Variants in LRP5 observed in about 807,000 individuals in gnomAD.
The protein encoded by LRP5 is LDL receptor related protein 5.
A neutral mutation model predicts 154.1 loss-of-function variants in LRP5; 62 were observed. That is an observed-to-expected ratio of 0.40 (90% confidence interval 0.33 to 0.50). The LOEUF is 0.50. Ranked by LOEUF, LRP5 falls within the 20% of genes least tolerant of loss-of-function variation. LRP5 has a pLI of 0.55. For synonymous variants in LRP5, 966 were observed against 1,011.5 expected (o/e 0.96, Z 0.85); for missense variants, 1,915 against 2,336.7 (o/e 0.82, Z 3.72).
chr11:68,361,032 G>A (rs1439345175), intron 3 of LRP5, among the ~76,000 whole-genome samples: 10 of 128,336 alleles, frequency 7.8e-5, no homozygotes, highest in Non-Finnish European at 1.6e-4. Context: ...AAGGCTGGGC[G>A]CGGTGGCTCA....
chr11:68,364,297 T>A (rs1007535514), intron 4 of LRP5, among the ~76,000 whole-genome samples: 4 of 151,858 alleles, frequency 2.6e-5, no homozygotes, highest in African/African-American at 9.7e-5. Flanking sequence ...TGTATATGTA[T>A]TTATATACAC....
chr11:68,298,832 C>T, the LRP5 span, among the ~76,000 whole-genome samples: 2 of 152,162 alleles, frequency 1.3e-5, no homozygotes, highest in African/African-American at 2.4e-5. Context: ...AAAAAGCCTC[C>T]GGTCCTGGGC....
chr11:68,377,467 C>T (rs1266325669), intron 5 of LRP5, among the ~76,000 whole-genome samples: 3 of 152,230 alleles, frequency 2.0e-5, no homozygotes, highest in Non-Finnish European at 2.9e-5. Context: ...GAGCCAGCAT[C>T]GGGCCCAGCC....
chr11:68,330,754 C>T (rs897904291), intron 1 of LRP5, among the ~76,000 whole-genome samples: 8 of 152,362 alleles, frequency 5.3e-5, no homozygotes, highest in East Asian at 3.9e-4. Flanking sequence ...CGCAGGAGCG[C>T]GATTGGTGTG....
intron 7 of LRP5, among the ~76,000 whole-genome samples, chr11:68,392,892 C>A (rs1356044394): frequency 1.3e-5 from 2 of 151,978 alleles, no homozygotes; most frequent in African/African-American, 2.4e-5. Flanking sequence ...TCTGGGAGGC[C>A]AAGGCGGGAC....
At chr11:68,334,862 T>G (rs1421129896) in intron 1 of LRP5, among the ~76,000 whole-genome samples, 2 of 151,986 alleles carry the variant, frequency 1.3e-5, no homozygotes, top group East Asian at 3.9e-4. Flanking sequence ...TGAGACTCTG[T>G]CTCAAAAAAT....
At chr11:68,341,826 C>T (rs185264820) in intron 1 of LRP5, among the ~76,000 whole-genome samples, 2 of 152,306 alleles carry the variant, frequency 1.3e-5, no homozygotes. Context: ...CCCTGATCTG[C>T]AGCGTTTATG....
At chr11:68,434,777 G>A (rs995631398) in intron 18 of LRP5, among the ~76,000 whole-genome samples, 9 of 140,320 alleles carry the variant, frequency 6.4e-5, no homozygotes, top group African/African-American at 1.8e-4. Context: ...TGATGCCCTC[G>A]CTCTCCCAGA....
intron 1 of LRP5, among the ~76,000 whole-genome samples, chr11:68,320,618 C>T (rs1468527482): frequency 5.3e-5 from 8 of 152,006 alleles, no homozygotes; most frequent in Admixed American, 2.0e-4. Context: ...TGCGCCACCA[C>T]GCCTGGCTAA....
chr11:68,398,802 A>G (rs919424563), intron 7 of LRP5, among the ~76,000 whole-genome samples: 1 of 151,990 alleles, frequency 6.6e-6, no homozygotes, highest in South Asian at 2.1e-4. Context: ...GTGCTATGGC[A>G]TGGCTCGCTG....
intron 7 of LRP5, among the ~76,000 whole-genome samples, chr11:68,397,900 G>T (rs1287663335): frequency 6.6e-6 from 1 of 151,768 alleles, no homozygotes; most frequent in African/African-American, 2.4e-5. Context: ...GGGTCTGTTG[G>T]CTGCACTGTG....
intron 13 of LRP5, among the ~76,000 whole-genome samples, chr11:68,422,716 A>G (rs997139440): frequency 6.6e-6 from 1 of 151,918 alleles, no homozygotes; most frequent in African/African-American, 2.4e-5. Flanking sequence ...AGGGGCTCTG[A>G]GTCATTCCCC....
intron 21 of LRP5, among the ~76,000 whole-genome samples, chr11:68,443,332 G>A (rs1052866967): frequency 3.3e-5 from 5 of 150,192 alleles, no homozygotes; most frequent in Admixed American, 6.7e-5. Context: ...GAGAAACCCC[G>A]TCTCTAGTAA....
intron 1 of LRP5, among the ~76,000 whole-genome samples, chr11:68,334,730 C>A (rs1161273490): frequency 6.6e-6 from 1 of 152,004 alleles, no homozygotes. Context: ...CAGAAATTAG[C>A]CGGTTGTGGG....
At chr11:68,446,374 G>A (rs1403129963) in intron 21 of LRP5, 62 bp from the exon 22 acceptor site, 2 of 1,135,070 alleles carry the variant, frequency 1.8e-6, no homozygotes, top group African/African-American at 1.5e-5. Flanking sequence ...AGGGGTGTGG[G>A]AGGAAGGAAG....
rs764714093 is a variant in LRP5, at chr11:68,416,549, T to C, written c.3027+22T>C. ...CCAGGCAGGTGCCCTGTGGGAAGGG[T>C]GCGGGGTGTGCTTCCCAAGGCGCTC... On this transcript the variant is annotated intron_variant, in intron 13 of 22. Transcript: ENST00000294304. 3.1e-6 allele frequency: 5 copies of C among 1,611,462 alleles called. No individual in the cohort carries two copies. The South Asian group carries it at 4.4e-5, about 14-fold the overall frequency.
intron 2 of LRP5, among the ~76,000 whole-genome samples, chr11:68,349,754 C>T (rs150631478): frequency 1.2e-3 from 183 of 152,290 alleles, no homozygotes; most frequent in Non-Finnish European, 2.1e-3. Flanking sequence ...GGCCAGGTCA[C>T]CCCAGACTCC....
At position 68,353,132 on chromosome 11, in the gene LRP5, T is replaced by C. The variant is rs904299051; in HGVS notation, c.489-4518T>C. On this transcript the variant is annotated intron_variant, in intron 2 of 22. Coordinates refer to ENST00000294304, the MANE Select transcript of LRP5 (RefSeq NM_002335.4). The surrounding 1 kb of genome is among the most constrained non-coding windows in gnomAD (Gnocchi z 4.5). ...TGCGAGCCAACTGTCCCTGTTTGGC[T>C]CTGGCTTTTCTTAACTATTTGAAAT... 6.6e-6 allele frequency among the ~76,000 whole-genome samples: 1 copy of C among 152,192 alleles called. No homozygotes were observed. The highest frequency in any genetic ancestry group is 6.5e-5 in the Admixed American group (1 of 15,284).
intron 9 of LRP5, among the ~76,000 whole-genome samples, chr11:68,407,169 CTTT>C (rs35107577): frequency 2.2e-5 from 3 of 137,006 alleles, no homozygotes; most frequent in South Asian, 2.4e-4. Context: ...TACAGGAAGA[CTTT>C]TTTTTTTTTT....
Sources: allele counts gnomAD v4.1 joint callset (sites outside exome capture counted in the v4.1 genomes callset), GRCh38; gene constraint gnomAD v4.1.1; non-coding constraint Gnocchi (gnomAD v3.1); transcripts MANE v1.5; gene names NCBI Gene and HGNC (gene_info 2026-07-23, HGNC 2026-07-21).